Variants in PHACTR3 observed in about 807,000 individuals in gnomAD.
The protein encoded by PHACTR3 is phosphatase and actin regulator 3, also known as protein phosphatase 1, regulatory subunit 123.
A neutral mutation model predicts 66.8 loss-of-function variants in PHACTR3; 16 were observed. That is an observed-to-expected ratio of 0.24 (90% CI 0.16 to 0.36). The LOEUF is 0.36. PHACTR3 is among the 10% of genes least tolerant of loss of function. The probability of loss-of-function intolerance (pLI) is 1.00; values close to 1 mark genes in which losing one functional copy is unlikely to be tolerated. For synonymous variants in PHACTR3, 323 were observed against 292.1 expected, an observed-to-expected ratio of 1.11 and a Z score of -1.08; for missense variants, 647 against 719.9, an observed-to-expected ratio of 0.90 and a Z score of 1.16.
At chr20:59,643,193 G>A (rs6064823) in intron 1 of PHACTR3, among the ~76,000 whole-genome samples, 1 of 152,194 alleles carries the variant, frequency 6.6e-6, no homozygotes, top group Non-Finnish European at 1.5e-5. Flanking sequence ...TTACAGGCGT[G>A]AGCCACTGCG....
At chr20:59,747,353 G>A (rs768856501) in intron 2 of PHACTR3, among the ~76,000 whole-genome samples, 19 of 152,344 alleles carry the variant, frequency 1.2e-4, no homozygotes, top group East Asian at 1.9e-4. Context: ...TCGCAAAGGC[G>A]AACAGGAACC....
At chr20:59,659,275 C>T (rs554145649) in intron 1 of PHACTR3, among the ~76,000 whole-genome samples, 1 of 151,620 alleles carries the variant, frequency 6.6e-6, no homozygotes, top group East Asian at 1.9e-4. Context: ...ACATGTCAGG[C>T]ATTCTGTGTC....
chr20:59,807,077 G>A (rs554592027), intron 8 of PHACTR3, among the ~76,000 whole-genome samples: 4 of 152,190 alleles, frequency 2.6e-5, no homozygotes, highest in Non-Finnish European at 5.9e-5. Context: ...GTGCACCTCC[G>A]CAGACTTCAG....
At chr20:59,663,320 G>C (rs540215272) in intron 1 of PHACTR3, among the ~76,000 whole-genome samples, 2 of 152,270 alleles carry the variant, frequency 1.3e-5, no homozygotes, top group Admixed American at 6.5e-5. Flanking sequence ...AGAGGGAGGC[G>C]GATTTGCTAA....
At position 59,842,333 on chromosome 20, in the gene PHACTR3, GTTCTTCA is replaced by G. The variant is rs1473972716; in HGVS notation, c.1587+807_1587+813del. ...CATTCAGGCAAGGAATTTGCTAATT[GTTCTTCA>G]TTCTTCATATGCTGAGTATGAGTAT... is the stretch of plus-strand genomic sequence containing the variant. On this transcript the variant is annotated intron_variant, in intron 11 of 12. Transcript: ENST00000371015. 3.3e-5 allele frequency among the ~76,000 whole-genome samples: 5 copies of G among 152,302 alleles called. No homozygotes were observed. In the East Asian group the frequency reaches 7.7e-4, roughly 23 times the overall value.
intron 1 of PHACTR3, among the ~76,000 whole-genome samples, chr20:59,584,218 A>G (rs2032948857): frequency 6.6e-6 from 1 of 152,016 alleles, no homozygotes; most frequent in African/African-American, 2.4e-5. Context: ...GAGGATGTAC[A>G]TGAGTGCGTG....
At chr20:59,656,771 T>C (rs2146464347) in intron 1 of PHACTR3, among the ~76,000 whole-genome samples, 1 of 152,022 alleles carries the variant, frequency 6.6e-6, no homozygotes, top group Non-Finnish European at 1.5e-5. Context: ...AGTGTAACAT[T>C]TTAATTTCTT....
chr20:59,708,155 A>AT (rs1473967224), intron 1 of PHACTR3, among the ~76,000 whole-genome samples: 1 of 152,174 alleles, frequency 6.6e-6, no homozygotes, highest in African/African-American at 2.4e-5. Flanking sequence ...GGGGTGACAG[A>AT]TGGGAGCATC....
At chr20:59,779,581 A>G (rs188105437) in intron 7 of PHACTR3, among the ~76,000 whole-genome samples, 1 of 152,290 alleles carries the variant, frequency 6.6e-6, no homozygotes, top group Non-Finnish European at 1.5e-5. Flanking sequence ...AACAACTACT[A>G]TTTTATTCAT....
chr20:59,588,722 G>A (rs1409653771), intron 1 of PHACTR3, among the ~76,000 whole-genome samples: 2 of 139,388 alleles, frequency 1.4e-5, no homozygotes, highest in East Asian at 4.2e-4. Context: ...TCCCACCCCC[G>A]CTCCCTGGCC....
chr20:59,818,930 C>T (rs1348533021), intron 8 of PHACTR3, among the ~76,000 whole-genome samples: 2 of 152,158 alleles, frequency 1.3e-5, no homozygotes, highest in African/African-American at 4.8e-5. Context: ...TCATCATTTT[C>T]ATCATTTCCA....
chr20:59,729,186 C>T (rs750060635), intron 1 of PHACTR3, among the ~76,000 whole-genome samples: 1 of 152,046 alleles, frequency 6.6e-6, no homozygotes, highest in Non-Finnish European at 1.5e-5. Context: ...GCCATGTGAC[C>T]CGAAGGGAGG....
At chr20:59,831,887 C>T (rs1261394182) in intron 8 of PHACTR3, among the ~76,000 whole-genome samples, 1 of 152,228 alleles carries the variant, frequency 6.6e-6, no homozygotes, top group Non-Finnish European at 1.5e-5. Context: ...AGCTTCATGA[C>T]TCGTTCAACC....
rs1204524308 is a variant in PHACTR3, at chr20:59,694,076, G to A, written c.119-49031G>A. 2.6e-5 allele frequency among the ~76,000 whole-genome samples: 4 copies of A among 152,168 alleles called. No individual in the cohort carries two copies. In the East Asian group the frequency reaches 7.7e-4, roughly 29 times the overall value. On this transcript the variant is annotated intron_variant, in intron 1 of 12. Transcript: ENST00000371015. ...CAATTTGCCTCACTGACCACATAGA[G>A]GGTGACTGGCCCTGTATTTTATGTC...
intron 8 of PHACTR3, among the ~76,000 whole-genome samples, chr20:59,807,499 A>G (rs1172270254): frequency 6.6e-6 from 1 of 152,108 alleles, no homozygotes. Flanking sequence ...TTTACAGTTA[A>G]CTTTTTTTTA....
At chr20:59,704,635 A>G (rs2037633926) in intron 1 of PHACTR3, among the ~76,000 whole-genome samples, 1 of 137,732 alleles carries the variant, frequency 7.3e-6, no homozygotes, top group African/African-American at 2.7e-5. Flanking sequence ...TTTACATTAT[A>G]CTAAATTCTC....
intron 4 of PHACTR3, among the ~76,000 whole-genome samples, chr20:59,761,042 C>T (rs1427074428): frequency 4.9e-4 from 75 of 152,090 alleles, no homozygotes; most frequent in Non-Finnish European, 1.2e-4. Context: ...ACAGCCTAAA[C>T]TCTAGAGCCA....
chr20:59,708,786 A>G (rs1370256296), intron 1 of PHACTR3, among the ~76,000 whole-genome samples: 1 of 152,170 alleles, frequency 6.6e-6, no homozygotes, highest in Non-Finnish European at 1.5e-5. Flanking sequence ...ACCATCAAAC[A>G]CCTAAGATTT....
chr20:59,762,701 C>T (rs1313891032), intron 4 of PHACTR3, among the ~76,000 whole-genome samples: 2 of 152,220 alleles, frequency 1.3e-5, no homozygotes, highest in African/African-American at 4.8e-5. Context: ...TATTTTCTAC[C>T]TGGCCCTCTG....
Sources: allele counts gnomAD v4.1 joint callset (sites outside exome capture counted in the v4.1 genomes callset), GRCh38; gene constraint gnomAD v4.1.1; transcripts MANE v1.5; gene names NCBI Gene and HGNC (gene_info 2026-07-23, HGNC 2026-07-21).